MUC6: variants seen among roughly 807,000 people sequenced by gnomAD.
MUC6 encodes the protein mucin 6, oligomeric mucus/gel-forming (gene/pseudogene), also known as mucin-6.
Under a neutral mutation model 201.5 loss-of-function variants are expected in MUC6, and 188 were observed. The ratio of observed to expected loss-of-function variants is 0.93; its 90% CI spans 0.83 to 1.05. MUC6 has a LOEUF of 1.05. Among genes scored for constraint, MUC6 ranks in the 50% least tolerant of loss-of-function variants. The pLI is 0.00. For missense variants in MUC6, 2,706 were observed against 3,256.9 expected (o/e 0.83, Z 4.12); for synonymous variants, 1,228 against 1,389.4 (o/e 0.88, Z 2.58).
Position 1,016,258 on chromosome 11 carries a change from G to T in MUC6, c.6543C>A (p.Ser2181=). ...CAGTCGTGGGATGAGTGGACAATGA[G>T]GAGTGTGACCCCGAGCTCAGGGTTG... ...HSTTLSSGSH[S]SLSTHPTTAS... is the part of the protein sequence containing the mutation. Residue 2181 remains serine, a synonymous_variant, in exon 31 of 33, where the codon TCC becomes TCA. Coordinates refer to ENST00000421673, the MANE Select transcript of MUC6 (RefSeq NM_005961.3). 1 of 1,613,176 alleles carries T rather than the reference G, an allele frequency of 6.2e-7. No homozygotes were observed. The highest frequency in any genetic ancestry group is 8.5e-7 in the Non-Finnish European group (1 of 1,179,706).
chr11:1,029,569 G>A lies in MUC6; in HGVS notation c.1062C>T (p.Val354=), dbSNP rs1302494814. 1.9e-6 allele frequency: 3 copies of A among 1,610,286 alleles called. No individual in the cohort carries two copies. Among genetic ancestry groups the A allele is most frequent in the Non-Finnish European group, 2.5e-6 (3 of 1,178,540 alleles). ...CGTGGAGCACACAGGGGCACTGGGT[G>A]ACGGGCACGCAGGTGTGGTTATTGG... is the stretch of plus-strand genomic sequence containing the variant. ...DLSNNHTCVP[V]TQCPCVLHGA... The change falls in exon 9 of 33, where the codon GTC becomes GTT. Residue 354 remains valine, a synonymous_variant. Coordinates refer to ENST00000421673, the MANE Select transcript of MUC6 (RefSeq NM_005961.3).
At position 1,031,184 on chromosome 11, in the gene MUC6, A is replaced by G; in HGVS notation, c.559T>C (p.Phe187Leu). 3 of 1,512,212 alleles carry G rather than the reference A, an allele frequency of 2.0e-6. No individual in the cohort carries two copies. The highest frequency in any genetic ancestry group is 1.8e-6 in the Non-Finnish European group (2 of 1,129,434). 93.7% of individuals were successfully genotyped at this position (1,512,212 alleles called of 1,614,324 possible). ...GNFDGKVTNEFVSEEGKFLEP... is the reference protein window; with the variant it reads ...GNFDGKVTNELVSEEGKFLEP... The stretch of plus-strand genomic sequence containing the variant: ...CCCCACCTACCCTCCTCACTGACAA[A>G]CTCGTTGGTCACCTTCCCGTCAAAG... Residue 187 changes from phenylalanine (F) to leucine (L), a missense_variant, in exon 5 of 33, where the codon TTT becomes CTT. By Grantham distance (22) the Phe-to-Leu change is conservative. This residue lies in a region of MUC6 where 1,850 missense variants were observed against 1,958.3 expected (regional missense o/e 0.94). Transcript: ENST00000421673.
Position 1,024,022 on chromosome 11 carries a change from C to T in MUC6, c.3307G>A (p.Asp1103Asn), listed in dbSNP as rs368341698. 110 of 1,611,614 alleles carry T rather than the reference C, an allele frequency of 6.8e-5. No homozygotes were observed. The highest frequency in any genetic ancestry group is 8.6e-5 in the Non-Finnish European group (102 of 1,179,494). ...GCTTGGGCGTAGGCAGCCACGGCAT[C>T]GCACAGACACTCACAGTCCCCGCCA... is the stretch of plus-strand genomic sequence containing the variant. The part of the protein sequence containing the change: ...DSGGDCECLC[D>N]AVAAYAQACL... Residue 1103 changes from aspartate (D) to asparagine (N), a missense_variant, in exon 25 of 33, where the codon GAT becomes AAT. Physicochemically the swap from Asp to Asn is conservative, Grantham distance 23. Coordinates refer to ENST00000421673, the MANE Select transcript of MUC6 (RefSeq NM_005961.3).
In MUC6 at chr11:1,029,079, G is replaced by A. The variant is rs1857036657; in HGVS notation, c.1347C>T (p.Thr449=). The change falls in exon 11 of 33, where the codon ACC becomes ACT. Residue 449 remains threonine, a synonymous_variant. Transcript: ENST00000421673. ...YDKSGVSHSE[T]SLVAVVYLSR... ...AGAGGTAGACCACAGCCACCAGGGA[G>A]GTCTCGGAGTGTGAGACGCCGGACT... 2.4e-5 allele frequency: 39 copies of A among 1,612,898 alleles called. No individual in the cohort carries two copies. The highest frequency in any genetic ancestry group is 3.3e-5 in the Non-Finnish European group (39 of 1,179,852).
At position 1,025,839 on chromosome 11, in the gene MUC6, A is replaced by G. The variant is rs369527214; in HGVS notation, c.2765T>C (p.Val922Ala). 1.1e-4 allele frequency: 184 copies of G among 1,612,718 alleles called. No homozygotes were observed. In the Middle Eastern group the frequency reaches 1.5e-3, roughly 13 times the overall value. Residue 922 changes from valine (V) to alanine (A), a missense_variant, in exon 22 of 33, where the codon GTC becomes GCC. Physicochemically the swap from Val to Ala is moderately conservative, Grantham distance 64. Coordinates refer to ENST00000421673, the MANE Select transcript of MUC6 (RefSeq NM_005961.3). ...TENVICGNSGVTCSRAIKIFL... is the reference protein window; with the variant it reads ...TENVICGNSGATCSRAIKIFL... ...GATCTTGATGGCCCGTGAGCATGTGACCCCGGAGTTCCCACAGATGACGTT... is the reference window on the plus strand; with the variant it reads ...GATCTTGATGGCCCGTGAGCATGTGGCCCCGGAGTTCCCACAGATGACGTT...
At chr11:1,020,061 C>T (rs746732723) in intron 29 of MUC6, 29 bp downstream of exon 29, 3 of 1,610,548 alleles carry the variant, frequency 1.9e-6, no homozygotes, top group Admixed American at 1.7e-5. Context: ...CAGCTGCCCT[C>T]TCCATGGGCT....
chr11:1,013,645 T>C lies in MUC6; in HGVS notation c.7143-12A>G. ...TGATGATGTTGAAGCTGCCGAGAAG[T>C]CAAGACAGAGCAGGGTCATGACTGC... On this transcript the variant is annotated splice_polypyrimidine_tract_variant and intron_variant, in intron 32 of 32. Transcript: ENST00000421673. 1 of 1,555,514 alleles carries C rather than the reference T, an allele frequency of 6.4e-7. No homozygotes were observed. Among genetic ancestry groups the C allele is most frequent in the Non-Finnish European group, 8.7e-7 (1 of 1,150,794 alleles).
chr11:1,020,770 T>G (rs1390329547), intron 27 of MUC6, 36 bp from the exon 28 acceptor site: 1 of 1,607,930 alleles, frequency 6.2e-7, no homozygotes, highest in Admixed American at 1.7e-5. Flanking sequence ...TGTGGTTCTC[T>G]AAGCCTCCCC....
At chr11:1,034,183 C>T (rs865898898) in intron 1 of MUC6, among the ~76,000 whole-genome samples, 2 of 151,484 alleles carry the variant, frequency 1.3e-5, no homozygotes, top group Admixed American at 6.6e-5. Flanking sequence ...TCCTGTCTGG[C>T]ACAGGCAGGA....
chr11:1,031,493 T>G, intron 4 of MUC6, 114 bp downstream of exon 4: 1 of 1,473,450 alleles, frequency 6.8e-7, no homozygotes, highest in East Asian at 2.5e-5. Flanking sequence ...AGGGCCTGGC[T>G]GCATGGCAGC....
chr11:1,013,713 G>A (rs1384608026), intron 32 of MUC6, 80 bp from the exon 33 acceptor site: 23 of 1,473,042 alleles, frequency 1.6e-5, no homozygotes, highest in East Asian at 7.4e-5. Context: ...CAGCTGCTCC[G>A]CAGAGGCCTG....
chr11:1,019,303 T>A lies in MUC6; in HGVS notation c.4002A>T (p.Pro1334=). Residue 1334 remains proline (P), a synonymous_variant, in exon 30 of 33, where the codon CCA becomes CCT. Transcript: ENST00000421673. ...TTRTTMTLPT[P]ATSGTSPTLP... ...GCGTGGGGCTTGTCCCTGATGTGGC[T>A]GGGGTTGGTAGTGTCATTGTGGTCC... 1 of 1,614,020 alleles carries A rather than the reference T, an allele frequency of 6.2e-7. No individual in the cohort carries two copies. The highest frequency in any genetic ancestry group is 1.1e-5 in the South Asian group (1 of 91,078).
Position 1,036,510 on chromosome 11 carries a change from A to C in MUC6, c.52+94T>G. 5 of 1,396,932 alleles carry C rather than the reference A, an allele frequency of 3.6e-6. No homozygotes were observed. The South Asian group carries it at 5.3e-5, about 15-fold the overall frequency. 86.5% of individuals were successfully genotyped at this position (1,396,932 alleles called of 1,614,324 possible). A position where few individuals can be genotyped will look rare whatever the true frequency, so the allele number is the denominator to read the frequency against. On this transcript the variant is annotated intron_variant, in intron 1 of 32. Coordinates refer to ENST00000421673, the MANE Select transcript of MUC6 (RefSeq NM_005961.3). ...CCGTCCATCAGCGTCCATGTGGGCCAGCCGAGTTGTCGAGGCGAGAAGGCC... is the reference window on the plus strand; with the variant it reads ...CCGTCCATCAGCGTCCATGTGGGCCCGCCGAGTTGTCGAGGCGAGAAGGCC...
In MUC6 at chr11:1,020,243, G is replaced by C. The variant is rs1453201211; in HGVS notation, c.3655C>G (p.Gln1219Glu). ...QLPTTGSRPT[Q>E]VWPMTGTSTT... The stretch of plus-strand genomic sequence containing the variant: ...GAGGTTCCCGTCATGGGCCAGACTT[G>C]CGTGGGCCGTGAGCCTGGGTGGGCG... Residue 1219 changes from glutamine to glutamate, a missense_variant, in exon 29 of 33, where the codon CAA (glutamine) becomes GAA (glutamate). Transcript: ENST00000421673. 3.7e-6 allele frequency: 6 copies of C among 1,606,930 alleles called. No individual in the cohort carries two copies. Among genetic ancestry groups the C allele is most frequent in the Non-Finnish European group, 5.1e-6 (6 of 1,177,404 alleles).
chr11:1,035,603 G>A (rs1481722827), intron 1 of MUC6, among the ~76,000 whole-genome samples: 1 of 152,016 alleles, frequency 6.6e-6, no homozygotes, highest in Non-Finnish European at 1.5e-5. Context: ...CGGTTGAAGG[G>A]TGGTGCCCGG....
chr11:1,031,480 C>G, intron 4 of MUC6, 127 bp downstream of exon 4: 1 of 1,439,926 alleles, frequency 6.9e-7, no homozygotes, highest in South Asian at 1.4e-5. Flanking sequence ...CTGCTTGGCA[C>G]GAAGGGCCTG....
Position 1,018,430 on chromosome 11 carries a change from T to TG in MUC6, c.4370dup (p.Ser1458LysfsTer79), listed in dbSNP as rs765585916. 1.9e-6 allele frequency: 3 copies of TG among 1,614,012 alleles called. No individual in the cohort carries two copies. Among genetic ancestry groups the TG allele is most frequent in the Middle Eastern group, 3.3e-4 (2 of 6,062 alleles). ...TAGGGGTGATGACTGTGTGAGTACT[T>TG]GGAGTCACCAAGGAGGTGGAGAAAG... On this transcript the variant is annotated frameshift_variant, in exon 31 of 33. Coordinates refer to ENST00000421673, the MANE Select transcript of MUC6 (RefSeq NM_005961.3). LOFTEE classifies it high-confidence loss of function.
chr11:1,033,057 TAGG>T lies in MUC6; in HGVS notation c.68_70del (p.Ser23del). ...CAGCCTCTGGAGGCCTGGGCTGGTG[TAGG>T]AGGTGTTAGCCAGACCTGTGTGGAC... On this transcript the variant is annotated inframe_deletion, in exon 2 of 33. Transcript: ENST00000421673. The surrounding 1 kb of genome is among the most constrained non-coding windows in gnomAD (Gnocchi z 5.6). The T allele has an allele frequency of 6.2e-7, 1 of 1,612,458 alleles. No homozygotes were observed. Among genetic ancestry groups the T allele is most frequent in the Non-Finnish European group, 8.5e-7 (1 of 1,178,768 alleles).
At chr11:1,032,347 G>A (rs59667273) in intron 2 of MUC6, among the ~76,000 whole-genome samples, 12,747 of 152,232 alleles carry the variant, frequency 0.084, 573 homozygotes, top group Middle Eastern at 0.16. Context: ...CGTGTCAGGT[G>A]TGTCCATGTG....
Sources: gnomAD v4.1 joint callset for allele counts (sites outside exome capture counted in the v4.1 genomes callset) on GRCh38, gnomAD v4.1.1 for gene constraint, gnomAD v4.1.1 regional missense constraint, Gnocchi (gnomAD v3.1) non-coding constraint, MANE v1.5 for transcripts, NCBI Gene and HGNC (gene_info 2026-07-23, HGNC 2026-07-21) for gene names.